Variants in TRABD observed in about 807,000 individuals in gnomAD.
TRABD encodes TraB domain containing, also known as traB domain-containing protein.
A neutral mutation model predicts 39.6 loss-of-function variants in TRABD; 23 were observed. The ratio of observed to expected loss-of-function variants is 0.58; its 90% CI spans 0.42 to 0.82. The LOEUF (loss-of-function observed/expected upper bound fraction) is 0.82, where lower values mean the gene tolerates loss of function less well. Among genes scored for constraint, TRABD ranks in the 40% least tolerant of loss-of-function variants. TRABD has a pLI of 0.00. For synonymous variants in TRABD, 243 were observed against 232.1 expected (o/e 1.05, Z -0.43); for missense variants, 487 against 544.9 (o/e 0.89, Z 1.06).
At chr22:50,197,408 C>G in intron 6 of TRABD, 41 bp from the exon 7 acceptor site, 1 of 1,612,252 alleles carries the variant, frequency 6.2e-7, no homozygotes, top group Non-Finnish European at 8.5e-7. Flanking sequence ...AGGGGTGGTC[C>G]GGGGTTCCCA....
Position 50,198,811 on chromosome 22 carries a change from AG to A in TRABD, c.*296del. 2 of 536,272 alleles carry A rather than the reference AG, an allele frequency of 3.7e-6. No individual in the cohort carries two copies. The highest frequency in any genetic ancestry group is 6.6e-6 in the Non-Finnish European group (2 of 302,970). 33.2% of individuals were successfully genotyped at this position (536,272 alleles called of 1,614,324 possible). On this transcript the variant is annotated 3_prime_UTR_variant, in exon 10 of 10. Coordinates refer to ENST00000380909, the MANE Select transcript of TRABD (RefSeq NM_001320485.2). This position sits in a 1 kb window ranked among gnomAD's most constrained non-coding sequence, Gnocchi z 7.9. ...CTCCGAGGGGGCAGGGGCTTATAGG[AG>A]GGGCCGAGGCGTGCGCTGCCCTCTC...
At position 50,193,019 on chromosome 22, in the gene TRABD, C is replaced by G; in HGVS notation, c.-34-8C>G. The G allele has an allele frequency of 6.5e-7, 1 of 1,542,826 alleles. No individual in the cohort carries two copies. On this transcript the variant is annotated splice_region_variant and splice_polypyrimidine_tract_variant and intron_variant, in intron 1 of 9. Transcript: ENST00000380909. ...GGTGGAAACCCCGCCTCTCATGCCT[C>G]TCCTCAGGCTCCCCACAGGTGCAGG...
At chr22:50,187,673 G>C (rs1246926704) in intron 1 of TRABD, among the ~76,000 whole-genome samples, 1 of 152,228 alleles carries the variant, frequency 6.6e-6, no homozygotes, top group East Asian at 1.9e-4. Context: ...TCACAGACCA[G>C]GAAACTTTAA....
intron 4 of TRABD, 37 bp from the exon 5 acceptor site, chr22:50,194,863 G>A (rs753248230): frequency 2.0e-5 from 32 of 1,601,410 alleles, no homozygotes; most frequent in Middle Eastern, 3.3e-4. Context: ...GGCAGGGAGC[G>A]GCTGTGTTCT....
intron 1 of TRABD, among the ~76,000 whole-genome samples, chr22:50,192,730 C>T (rs115472946): frequency 1.3e-3 from 199 of 152,384 alleles, no homozygotes; most frequent in African/African-American, 4.3e-3. Context: ...GAGGGTTGGG[C>T]AGCTCTGGCC....
chr22:50,189,161 G>A (rs1317848141), intron 1 of TRABD, among the ~76,000 whole-genome samples: 1 of 152,194 alleles, frequency 6.6e-6, no homozygotes, highest in Non-Finnish European at 1.5e-5. Flanking sequence ...CGGCAGAGAA[G>A]CTCGAGGCCG....
chr22:50,187,852 C>T (rs935414458), intron 1 of TRABD, among the ~76,000 whole-genome samples: 2 of 151,928 alleles, frequency 1.3e-5, no homozygotes, highest in African/African-American at 2.4e-5. Flanking sequence ...TAGTGGCAGG[C>T]GCCTGTAGTC....
chr22:50,199,132 A>G lies in TRABD; in HGVS notation c.*613A>G. ...TAATTTCAGAGAGAAAAACTGAAGT[A>G]AATGTCAAAAAACACCAGCCTTAAA... On this transcript the variant is annotated 3_prime_UTR_variant, in exon 10 of 10. Transcript: ENST00000380909. The G allele has an allele frequency of 1.4e-6, 1 of 720,068 alleles. No homozygotes were observed. The allele number at this position is 720,068 out of a possible 1,614,324, so 44.6% of individuals were successfully genotyped here.
At position 50,198,611 on chromosome 22, in the gene TRABD, CT is replaced by C. The variant is rs2064216186; in HGVS notation, c.*93del. 7.5e-7 allele frequency: 1 copy of C among 1,328,300 alleles called. No homozygotes were observed. Among genetic ancestry groups the C allele is most frequent in the African/African-American group, 1.5e-5 (1 of 66,322 alleles). 82.3% of individuals were successfully genotyped at this position (1,328,300 alleles called of 1,614,324 possible). On this transcript the variant is annotated 3_prime_UTR_variant, in exon 10 of 10. Coordinates refer to ENST00000380909, the MANE Select transcript of TRABD (RefSeq NM_001320485.2). The surrounding 1 kb of genome is among the most constrained non-coding windows in gnomAD (Gnocchi z 7.9). ...GTGCATCCTAGCCCGCCCGAGGCCC[CT>C]GCCACCCCCCATGGGGGTCTGGGCC...
At position 50,199,011 on chromosome 22, in the gene TRABD, C is replaced by T; in HGVS notation, c.*492C>T. On this transcript the variant is annotated 3_prime_UTR_variant, in exon 10 of 10. Coordinates refer to ENST00000380909, the MANE Select transcript of TRABD (RefSeq NM_001320485.2). ...CCGACCCCACCGTGCCCCTGGCATC[C>T]TGGCCCTGGCCGCCACCTCCCTGGC... 2 of 669,844 alleles carry T rather than the reference C, an allele frequency of 3.0e-6. No individual in the cohort carries two copies. The highest frequency in any genetic ancestry group is 5.6e-6 in the Non-Finnish European group (2 of 357,658). The allele number at this position is 669,844 out of a possible 1,614,324, so 41.5% of individuals were successfully genotyped here. A position where few individuals can be genotyped will look rare whatever the true frequency, so the allele number is the denominator to read the frequency against.
intron 3 of TRABD, among the ~76,000 whole-genome samples, chr22:50,193,883 C>G (rs990930187): frequency 9.0e-5 from 1 of 11,146 alleles, no homozygotes; most frequent in Admixed American, 5.7e-4. Context: ...CACAGGCAGG[C>G]CCCTGGGCAT....
At chr22:50,197,191 G>GCGGGGGGGGGGCC in intron 5 of TRABD, 50 bp from the exon 6 acceptor site, 1 of 1,553,438 alleles carries the variant, frequency 6.4e-7, no homozygotes, top group African/African-American at 1.4e-5. Context: ...TTCCCCCAGC[G>GCGGGGGGGGGGCC]CACCCCCGCA....
chr22:50,194,770 C>T (rs1019139625), intron 4 of TRABD, 130 bp from the exon 5 acceptor site: 17 of 1,369,912 alleles, frequency 1.2e-5, no homozygotes, highest in Admixed American at 9.7e-5. Context: ...ACTGCAGCAG[C>T]GGGGTTAGCT....
Position 50,198,292 on chromosome 22 carries a change from G to A in TRABD, c.957-53G>A, listed in dbSNP as rs916352720. The A allele has an allele frequency of 1.3e-6, 2 of 1,508,402 alleles. No individual in the cohort carries two copies. Among genetic ancestry groups the A allele is most frequent in the African/African-American group, 1.4e-5 (1 of 72,402 alleles). The allele number at this position is 1,508,402 out of a possible 1,614,324, so 93.4% of individuals were successfully genotyped here. ...CGGCAGTGACCCAGGCATGGGGGCTGGGGTATGGGGAGCCCACCCCCAGCC... is the reference window on the plus strand; with the variant it reads ...CGGCAGTGACCCAGGCATGGGGGCTAGGGTATGGGGAGCCCACCCCCAGCC... On this transcript the variant is annotated intron_variant, in intron 9 of 9. Coordinates refer to ENST00000380909, the MANE Select transcript of TRABD (RefSeq NM_001320485.2). The surrounding 1 kb of genome is among the most constrained non-coding windows in gnomAD (Gnocchi z 7.9).
intron 1 of TRABD, among the ~76,000 whole-genome samples, chr22:50,190,351 G>C (rs966585811): frequency 4.6e-5 from 7 of 152,202 alleles, no homozygotes; most frequent in Non-Finnish European, 1.0e-4. Context: ...CCCACCCCAT[G>C]GCACGACTGG....
At chr22:50,188,619 A>G (rs1429567633) in intron 1 of TRABD, among the ~76,000 whole-genome samples, 1 of 152,222 alleles carries the variant, frequency 6.6e-6, no homozygotes, top group Non-Finnish European at 1.5e-5. Context: ...CTATGCACTC[A>G]TGACCTCATC....
chr22:50,194,566 A>G, intron 4 of TRABD, 60 bp downstream of exon 4: 1 of 1,547,716 alleles, frequency 6.5e-7, no homozygotes, highest in Middle Eastern at 1.7e-4. Context: ...TGTGTCCTGC[A>G]CTCAGGGACC....
At chr22:50,193,773 C>A in intron 3 of TRABD, 119 bp downstream of exon 3, 1 of 972,440 alleles carries the variant, frequency 1.0e-6, no homozygotes, top group African/African-American at 1.6e-5. Context: ...GGGGCCCTGG[C>A]CGAGACCTGA....
In TRABD at chr22:50,198,573, T is replaced by C. The variant is rs979569274; in HGVS notation, c.*54T>C. ...TGAGGAGCCAGTGCCCCCGCGGCAC[T>C]TCTGGGTGCCAGGTGCATCCTAGCC... On this transcript the variant is annotated 3_prime_UTR_variant, in exon 10 of 10. Coordinates refer to ENST00000380909, the MANE Select transcript of TRABD (RefSeq NM_001320485.2). The surrounding 1 kb of genome is among the most constrained non-coding windows in gnomAD (Gnocchi z 7.9). 11 of 1,444,358 alleles carry C rather than the reference T, an allele frequency of 7.6e-6. No individual in the cohort carries two copies. The African/African-American group carries it at 1.3e-4, about 17-fold the overall frequency. The allele number at this position is 1,444,358 out of a possible 1,614,324, so 89.5% of individuals were successfully genotyped here. A position where few individuals can be genotyped will look rare whatever the true frequency, so the allele number is the denominator to read the frequency against.
Sources: allele counts gnomAD v4.1 joint callset (sites outside exome capture counted in the v4.1 genomes callset), GRCh38; gene constraint gnomAD v4.1.1; non-coding constraint Gnocchi (gnomAD v3.1); transcripts MANE v1.5; gene names NCBI Gene and HGNC (gene_info 2026-07-23, HGNC 2026-07-21).